NXN: variants seen among roughly 807,000 people sequenced by gnomAD.
NXN encodes nucleoredoxin.
A neutral mutation model predicts 48.6 loss-of-function variants in NXN; 16 were observed. That is an observed-to-expected ratio of 0.33 (90% confidence interval 0.22 to 0.50). The LOEUF (loss-of-function observed/expected upper bound fraction) is 0.50. Among genes scored for constraint, NXN ranks in the 20% least tolerant of loss-of-function variants. The pLI, the probability that NXN is intolerant of heterozygous loss-of-function variation, is 0.98. For missense variants in NXN, 492 were observed against 605.5 expected, an observed-to-expected ratio of 0.81 and a Z score of 1.97; for synonymous variants, 281 against 269.6, an observed-to-expected ratio of 1.04 and a Z score of -0.41.
chr17:961,827 T>A (rs1008721485), intron 1 of NXN, among the ~76,000 whole-genome samples: 1 of 152,208 alleles, frequency 6.6e-6, no homozygotes, highest in Non-Finnish European at 1.5e-5. Flanking sequence ...CTCAGTGGCC[T>A]CATAAAGAAG....
chr17:975,066 C>T (rs1218870206), intron 1 of NXN, among the ~76,000 whole-genome samples: 1 of 152,002 alleles, frequency 6.6e-6, no homozygotes, highest in African/African-American at 2.4e-5. Flanking sequence ...CTCAAGTGAT[C>T]CCCCCACCTT....
At chr17:880,458 T>C (rs1214813827) in intron 1 of NXN, among the ~76,000 whole-genome samples, 4 of 152,190 alleles carry the variant, frequency 2.6e-5, no homozygotes, top group Admixed American at 6.5e-5. Flanking sequence ...GTTACACTTT[T>C]CCTGGAGAGA....
chr17:915,471 G>C (rs970338534), intron 1 of NXN, among the ~76,000 whole-genome samples: 1 of 151,582 alleles, frequency 6.6e-6, no homozygotes, highest in Non-Finnish European at 1.5e-5. Context: ...TTTTTGTAAA[G>C]ACTGGGTTTT....
At chr17:914,066 A>T (rs2144931285) in intron 1 of NXN, among the ~76,000 whole-genome samples, 1 of 151,986 alleles carries the variant, frequency 6.6e-6, no homozygotes, top group East Asian at 1.9e-4. Context: ...CACCCAGCTA[A>T]TTTTTGTATT....
intron 1 of NXN, among the ~76,000 whole-genome samples, chr17:869,801 G>A (rs527363495): frequency 3.3e-5 from 5 of 152,288 alleles, no homozygotes; most frequent in African/African-American, 1.2e-4. Context: ...TAACAGCTAC[G>A]TCCTGCCAAT....
At position 932,538 on chromosome 17, in the gene NXN, G is replaced by A. The variant is rs1381539501; in HGVS notation, c.360+46781C>T. Among the ~76,000 whole-genome samples the A allele has an allele frequency of 6.6e-6, 1 of 152,224 alleles. No homozygotes were observed. Among genetic ancestry groups the A allele is most frequent in the Non-Finnish European group, 1.5e-5 (1 of 68,046 alleles). The stretch of plus-strand genomic sequence containing the variant: ...CTCAGCGAGTAAGGCAGCTTCAGGG[G>A]AAGGCCTGAGCCCCTTCTAAGAAAA... On this transcript the variant is annotated intron_variant, in intron 1 of 7. Transcript: ENST00000336868. This position sits in a 1 kb window ranked among gnomAD's most constrained non-coding sequence, Gnocchi z 4.1.
At chr17:883,410 T>C (rs1333729642) in intron 1 of NXN, among the ~76,000 whole-genome samples, 1 of 152,144 alleles carries the variant, frequency 6.6e-6, no homozygotes, top group East Asian at 1.9e-4. Context: ...AAAGTAGTCT[T>C]TGTTCTTGGA....
At chr17:953,843 G>A (rs943776026) in intron 1 of NXN, among the ~76,000 whole-genome samples, 3 of 151,754 alleles carry the variant, frequency 2.0e-5, no homozygotes, top group African/African-American at 7.3e-5. Context: ...AGGCTGGGGT[G>A]GGAGGATTGC....
intron 4 of NXN, among the ~76,000 whole-genome samples, 170 bp from the exon 5 acceptor site, chr17:819,715 T>C (rs1233751833): frequency 2.6e-5 from 4 of 152,282 alleles, no homozygotes; most frequent in African/African-American, 7.2e-5. Context: ...CCCCGGCTGG[T>C]GTCCACCAAG....
chr17:919,768 C>T lies in NXN; in HGVS notation c.360+59551G>A, dbSNP rs117474255. On this transcript the variant is annotated intron_variant, in intron 1 of 7. Coordinates refer to ENST00000336868, the MANE Select transcript of NXN (RefSeq NM_022463.5). The surrounding 1 kb of genome is among the most constrained non-coding windows in gnomAD (Gnocchi z 5.1). ...CCAGAAAATACAACTAGGGGCAGAGCGGTCCGGCACAAAACACCAGGAAAC... is the reference window on the plus strand; with the variant it reads ...CCAGAAAATACAACTAGGGGCAGAGTGGTCCGGCACAAAACACCAGGAAAC... Among the ~76,000 whole-genome samples the T allele has an allele frequency of 4.3e-3, 657 of 152,226 alleles. 13 individuals carry two copies. In the East Asian group the frequency reaches 0.044, roughly 10 times the overall value.
chr17:921,956 C>T (rs574973242), intron 1 of NXN, among the ~76,000 whole-genome samples: 1 of 152,350 alleles, frequency 6.6e-6, no homozygotes, highest in Admixed American at 6.5e-5. Flanking sequence ...TACCGCCTTC[C>T]TCCAACCTGC....
At chr17:893,783 GCA>G (rs2068449715) in intron 1 of NXN, among the ~76,000 whole-genome samples, 1 of 36,768 alleles carries the variant, frequency 2.7e-5, no homozygotes, top group African/African-American at 1.8e-4. Context: ...GCCAGAGGAA[GCA>G]TCTCAACTCC....
intron 1 of NXN, among the ~76,000 whole-genome samples, chr17:889,596 G>C (rs1460551957): frequency 6.6e-6 from 1 of 152,036 alleles, no homozygotes; most frequent in Non-Finnish European, 1.5e-5. Flanking sequence ...AGAATCGCTT[G>C]AACCCGGGAG....
intron 1 of NXN, among the ~76,000 whole-genome samples, chr17:841,612 A>T (rs77416245): frequency 3.5e-4 from 3 of 8,472 alleles, no homozygotes; most frequent in African/African-American, 1.9e-3. Context: ...CCGACCACAG[A>T]GCATCTCACA....
chr17:955,499 AAAGTC>A (rs2069156613), intron 1 of NXN, among the ~76,000 whole-genome samples: 1 of 151,522 alleles, frequency 6.6e-6, no homozygotes, highest in African/African-American at 2.4e-5. Flanking sequence ...AAAACTTGGC[AAAGTC>A]TGACAGACAC....
intron 1 of NXN, among the ~76,000 whole-genome samples, chr17:831,316 A>G (rs1913455583): frequency 6.6e-6 from 1 of 152,054 alleles, no homozygotes; most frequent in Non-Finnish European, 1.5e-5. Context: ...AAACTCCACA[A>G]GTCTGAAGTA....
At chr17:824,893 C>T (rs986346513) in intron 2 of NXN, among the ~76,000 whole-genome samples, 7 of 152,150 alleles carry the variant, frequency 4.6e-5, no homozygotes, top group African/African-American at 7.2e-5. Flanking sequence ...CGGGCCTCCC[C>T]GGAAACAAGA....
chr17:927,051 C>T (rs1361588971), intron 1 of NXN, among the ~76,000 whole-genome samples: 1 of 151,930 alleles, frequency 6.6e-6, no homozygotes, highest in Admixed American at 6.6e-5. Flanking sequence ...CGGTGGCTCA[C>T]GCCTGTCATC....
Position 800,245 on chromosome 17 carries a change from C to G in NXN, c.*704G>C, listed in dbSNP as rs1911133457. On this transcript the variant is annotated 3_prime_UTR_variant, in exon 8 of 8. Transcript: ENST00000336868. ...TCCGTGCTGGTGCAGAGGTGCTCCT[C>G]CTAGGACTCAGGGCTAAGTTTCTTG... is the stretch of plus-strand genomic sequence containing the variant. The G allele has an allele frequency of 6.6e-6, 1 of 152,350 alleles. No homozygotes were observed. The highest frequency in any genetic ancestry group is 1.5e-5 in the Non-Finnish European group (1 of 68,146). The allele number at this position is 152,350 out of a possible 1,614,324, so 9.4% of individuals were successfully genotyped here. A position where few individuals can be genotyped will look rare whatever the true frequency, so the allele number is the denominator to read the frequency against.
Sources: allele counts gnomAD v4.1 joint callset (sites outside exome capture counted in the v4.1 genomes callset), GRCh38; gene constraint gnomAD v4.1.1; non-coding constraint Gnocchi (gnomAD v3.1); transcripts MANE v1.5; gene names NCBI Gene and HGNC (gene_info 2026-07-23, HGNC 2026-07-21).